AKAP13: variants seen among roughly 807,000 people sequenced by gnomAD.
AKAP13 encodes A-kinase anchor protein 13.
AKAP13 carries 80 observed loss-of-function variants against 264.5 expected under a neutral mutation model. The observed-to-expected ratio is 0.30, with a 90% CI of 0.25 to 0.36. AKAP13 has a LOEUF of 0.36. Among genes scored for constraint, AKAP13 ranks in the 10% least tolerant of loss-of-function variants. AKAP13 has a pLI of 1.00. For missense variants in AKAP13, 3,712 were observed against 3,435.2 expected (o/e 1.08, Z -2.01); for synonymous variants, 1,380 against 1,250.2 (o/e 1.10, Z -2.19).
chr15:85,630,093 C>G (rs1023351169), intron 8 of AKAP13, among the ~76,000 whole-genome samples: 1 of 151,836 alleles, frequency 6.6e-6, no homozygotes, highest in Non-Finnish European at 1.5e-5. Flanking sequence ...AAGCTCTAAT[C>G]TCCCGAGTTC....
At chr15:85,600,950 A>G (rs17633959) in intron 8 of AKAP13, among the ~76,000 whole-genome samples, 1 of 152,116 alleles carries the variant, frequency 6.6e-6, no homozygotes, top group Non-Finnish European at 1.5e-5. Context: ...TTGGAATGGC[A>G]GTCAGATAGC....
At chr15:85,742,175 A>T (rs1315075459) in intron 35 of AKAP13, among the ~76,000 whole-genome samples, 2 of 152,250 alleles carry the variant, frequency 1.3e-5, no homozygotes, top group Non-Finnish European at 2.9e-5. Flanking sequence ...TGGCCAGGGC[A>T]GTAATGGATA....
intron 8 of AKAP13, among the ~76,000 whole-genome samples, chr15:85,590,869 C>A (rs1248361066): frequency 6.6e-6 from 1 of 152,046 alleles, no homozygotes; most frequent in Non-Finnish European, 1.5e-5. Context: ...TAGATCAGAG[C>A]CTGGCACAAA....
chr15:85,387,215 A>T (rs1469414746), intron 1 of AKAP13, among the ~76,000 whole-genome samples: 1 of 152,066 alleles, frequency 6.6e-6, no homozygotes, highest in Admixed American at 6.5e-5. Context: ...GGGCGCCTGT[A>T]ATCCCAGCTA....
At chr15:85,511,231 C>A (rs980839000) in intron 2 of AKAP13, among the ~76,000 whole-genome samples, 1 of 152,108 alleles carries the variant, frequency 6.6e-6, no homozygotes, top group Admixed American at 6.5e-5. Context: ...CTGGCCCTTC[C>A]TTGTTTGGCC....
At chr15:85,561,550 C>T (rs769744571) in intron 5 of AKAP13, among the ~76,000 whole-genome samples, 2 of 152,134 alleles carry the variant, frequency 1.3e-5, no homozygotes, top group Non-Finnish European at 2.9e-5. Context: ...TAAATTTATA[C>T]GTCTGTCTAG....
At chr15:85,494,119 C>T (rs1021726248) in intron 2 of AKAP13, among the ~76,000 whole-genome samples, 2 of 152,134 alleles carry the variant, frequency 1.3e-5, no homozygotes, top group African/African-American at 4.8e-5. Context: ...CTCTTATATG[C>T]CCAATTCCTC....
At position 85,579,375 on chromosome 15, in the gene AKAP13, A is replaced by G; in HGVS notation, c.1307A>G (p.Gln436Arg). The G allele has an allele frequency of 1.9e-6, 3 of 1,614,226 alleles. No individual in the cohort carries two copies. The highest frequency in any genetic ancestry group is 2.5e-6 in the Non-Finnish European group (3 of 1,180,028). ...AAATCTTCTGGAATGCCCACAGACC[A>G]GGAGTCCCTGAGCAGTGGAGATGCT... ...GTKSSGMPTD[Q>R]ESLSSGDAVL... Residue 436 changes from glutamine (Q) to arginine (R), a missense_variant, in exon 7 of 37, where the codon CAG becomes CGG. Physicochemically the swap from Gln to Arg is conservative, Grantham distance 43. Around this residue, in one of 3 missense-constraint regions of AKAP13, gnomAD observed 2,759 missense variants for 2,411.7 expected, o/e 1.14. Transcript: ENST00000394518.
At chr15:85,635,083 A>G in intron 8 of AKAP13, 2 of 398,236 alleles carry the variant, frequency 5.0e-6, no homozygotes, top group Non-Finnish European at 8.9e-6. Context: ...TCTTCGGTAA[A>G]TGAATGGAAT....
At chr15:85,404,122 C>T (rs1195851096) in intron 1 of AKAP13, among the ~76,000 whole-genome samples, 1 of 152,128 alleles carries the variant, frequency 6.6e-6, no homozygotes, top group African/African-American at 2.4e-5. Flanking sequence ...CACACATCAT[C>T]AGAAATCATT....
chr15:85,414,964 A>G (rs993583679), intron 1 of AKAP13, among the ~76,000 whole-genome samples: 34 of 152,184 alleles, frequency 2.2e-4, no homozygotes, highest in African/African-American at 7.7e-4. Flanking sequence ...AAATCACCTA[A>G]GTGTAACTTC....
At chr15:85,686,581 C>T (rs996151776) in intron 16 of AKAP13, among the ~76,000 whole-genome samples, 1 of 150,724 alleles carries the variant, frequency 6.6e-6, no homozygotes, top group African/African-American at 2.4e-5. Context: ...CATTTAACTT[C>T]AGACTCAGCC....
chr15:85,409,135 T>A (rs1479955506), intron 1 of AKAP13, among the ~76,000 whole-genome samples: 3 of 151,772 alleles, frequency 2.0e-5, no homozygotes, highest in Non-Finnish European at 4.4e-5. Context: ...TTTGGAGAAA[T>A]ATTTGTTCAA....
In AKAP13 at chr15:85,585,656, G is replaced by C. The variant is rs998546254; in HGVS notation, c.4040-46G>C. 2.5e-6 allele frequency: 4 copies of C among 1,611,924 alleles called. No individual in the cohort carries two copies. The South Asian group carries it at 3.3e-5, about 13-fold the overall frequency. On this transcript the variant is annotated intron_variant, in intron 7 of 36. Coordinates refer to ENST00000394518, the MANE Select transcript of AKAP13 (RefSeq NM_007200.5). ...ATGTTGTATGAATAGTAAGGCACAG[G>C]AATCAGTTTTTAAAAATGTACTCTG...
intron 2 of AKAP13, among the ~76,000 whole-genome samples, chr15:85,503,520 G>T (rs17554709): frequency 0.13 from 19,463 of 152,154 alleles, 1,615 homozygotes; most frequent in Non-Finnish European, 0.19. Context: ...TGTACCCTGG[G>T]TTAGGAATGA....
chr15:85,475,764 A>G (rs2075139833), intron 1 of AKAP13, among the ~76,000 whole-genome samples: 1 of 152,142 alleles, frequency 6.6e-6, no homozygotes, highest in Non-Finnish European at 1.5e-5. Flanking sequence ...TTTTGTTTTG[A>G]TGAGTTGATT....
chr15:85,613,844 A>G (rs2080818846), intron 8 of AKAP13, among the ~76,000 whole-genome samples: 1 of 151,312 alleles, frequency 6.6e-6, no homozygotes, highest in Admixed American at 6.6e-5. Flanking sequence ...CTGTTACTTC[A>G]GTGATGGAAT....
intron 2 of AKAP13, among the ~76,000 whole-genome samples, chr15:85,495,987 ATTG>A (rs1422351692): frequency 6.6e-6 from 1 of 152,156 alleles, no homozygotes; most frequent in African/African-American, 2.4e-5. Context: ...TCCTTATGAT[ATTG>A]TTCTGTTTTC....
chr15:85,709,591 G>C (rs911981322), intron 18 of AKAP13, among the ~76,000 whole-genome samples: 1 of 152,148 alleles, frequency 6.6e-6, no homozygotes, highest in African/African-American at 2.4e-5. Context: ...GAATGTACTA[G>C]TTTATACAGA....
Sources: allele counts gnomAD v4.1 joint callset (sites outside exome capture counted in the v4.1 genomes callset), GRCh38; gene constraint gnomAD v4.1.1; regional missense constraint gnomAD v4.1.1; transcripts MANE v1.5; gene names NCBI Gene and HGNC (gene_info 2026-07-23, HGNC 2026-07-21).